TMEFF1: variants seen among roughly 807,000 people sequenced by gnomAD.
TMEFF1 encodes tomoregulin-1.
A neutral mutation model predicts 47.5 loss-of-function variants in TMEFF1; 20 were observed. That is an observed-to-expected ratio of 0.42 (90% CI 0.30 to 0.61). TMEFF1 has a LOEUF of 0.61. Ranked by LOEUF, TMEFF1 falls within the 20% of genes least tolerant of loss-of-function variation. TMEFF1 has a pLI of 0.19. For synonymous variants in TMEFF1, 162 were observed against 166.3 expected (o/e 0.97, Z 0.20); for missense variants, 411 against 471.1 (o/e 0.87, Z 1.18).
chr9:100,544,650 C>T (rs1838698599), intron 5 of TMEFF1, among the ~76,000 whole-genome samples: 1 of 152,244 alleles, frequency 6.6e-6, no homozygotes, highest in Admixed American at 6.5e-5. Context: ...ATCATGCCTT[C>T]TCACCAGTCA....
intron 2 of TMEFF1, among the ~76,000 whole-genome samples, chr9:100,506,766 C>CAAA (rs58345253): frequency 1.2e-3 from 51 of 43,254 alleles, no homozygotes; most frequent in East Asian, 4.7e-3. Context: ...GACTCCATCT[C>CAAA]AAAAAAAAAA....
intron 1 of TMEFF1, among the ~76,000 whole-genome samples, chr9:100,492,372 AT>A (rs145611362): frequency 6.6e-6 from 1 of 152,358 alleles, no homozygotes; most frequent in African/African-American, 2.4e-5. Flanking sequence ...ATTTTCACTC[AT>A]ATGAAATGTT....
chr9:100,498,841 T>C lies in TMEFF1; in HGVS notation c.273T>C (p.Asp91=), dbSNP rs947325258. 1 of 1,613,922 alleles carries C rather than the reference T, an allele frequency of 6.2e-7. No homozygotes were observed. The highest frequency in any genetic ancestry group is 8.5e-7 in the Non-Finnish European group (1 of 1,179,882). Residue 91 remains aspartate, a synonymous_variant, in exon 2 of 10, where the codon GAT becomes GAC. Transcript: ENST00000374879. The part of the protein sequence containing the change: ...SCKYGGVCKE[D]GDGLKCACQF... ...AATATGGAGGAGTCTGTAAAGAAGA[T>C]GGAGATGGTTTGAAATGTGCATGCC... is the stretch of plus-strand genomic sequence containing the variant.
intron 1 of TMEFF1, among the ~76,000 whole-genome samples, chr9:100,496,447 C>A (rs1837650865): frequency 6.6e-6 from 1 of 152,194 alleles, no homozygotes; most frequent in Non-Finnish European, 1.5e-5. Flanking sequence ...ATTATGTTGG[C>A]CAAGCTGGTC....
intron 3 of TMEFF1, among the ~76,000 whole-genome samples, chr9:100,509,360 A>G (rs1837919190): frequency 6.6e-6 from 1 of 152,140 alleles, no homozygotes; most frequent in Admixed American, 6.6e-5. Flanking sequence ...TTAAGGCTTA[A>G]CACTCTTTTT....
At chr9:100,560,445 C>T (rs1055576083) in intron 7 of TMEFF1, among the ~76,000 whole-genome samples, 24 of 152,080 alleles carry the variant, frequency 1.6e-4, no homozygotes, top group African/African-American at 4.1e-4. Context: ...GTAAATATTG[C>T]GGAATTCTGG....
chr9:100,549,258 G>C (rs924877698), intron 6 of TMEFF1, among the ~76,000 whole-genome samples: 6 of 152,162 alleles, frequency 3.9e-5, no homozygotes, highest in African/African-American at 1.4e-4. Flanking sequence ...AAAGGAGGAA[G>C]AGAGAACAAA....
At chr9:100,550,729 T>G (rs1047662120) in intron 7 of TMEFF1, among the ~76,000 whole-genome samples, 3 of 152,208 alleles carry the variant, frequency 2.0e-5, no homozygotes, top group African/African-American at 4.8e-5. Flanking sequence ...GGCTATGAGT[T>G]CTGTGAGGAG....
chr9:100,509,601 G>A (rs999197073), intron 3 of TMEFF1, among the ~76,000 whole-genome samples: 5 of 151,908 alleles, frequency 3.3e-5, no homozygotes, highest in Non-Finnish European at 7.4e-5. Context: ...GTGAAACCCC[G>A]TCTCTACTAA....
intron 2 of TMEFF1, among the ~76,000 whole-genome samples, chr9:100,506,742 A>C (rs925695884): frequency 4.3e-5 from 6 of 139,606 alleles, no homozygotes; most frequent in Non-Finnish European, 7.7e-5. Context: ...TCTCCAGCCT[A>C]GGCGACAGAG....
At chr9:100,481,396 C>T (rs1837335956) in intron 1 of TMEFF1, among the ~76,000 whole-genome samples, 1 of 152,160 alleles carries the variant, frequency 6.6e-6, no homozygotes, top group African/African-American at 2.4e-5. Context: ...AGAAGCTGAA[C>T]ATAGATGAAT....
intron 8 of TMEFF1, among the ~76,000 whole-genome samples, chr9:100,564,611 T>TG (rs548269672): frequency 6.6e-6 from 1 of 151,998 alleles, no homozygotes; most frequent in African/African-American, 2.4e-5. Context: ...TGAAGATGGG[T>TG]GGGGGACATT....
intron 5 of TMEFF1, chr9:100,518,540 T>A: frequency 1.0e-6 from 1 of 980,556 alleles, no homozygotes; most frequent in Non-Finnish European, 1.2e-6. Context: ...GCAGCCAACG[T>A]CAGGCAAGGA....
intron 5 of TMEFF1, among the ~76,000 whole-genome samples, chr9:100,538,497 G>A (rs1359524957): frequency 1.3e-5 from 2 of 152,064 alleles, no homozygotes; most frequent in Admixed American, 6.6e-5. Flanking sequence ...TGTACTTCAG[G>A]GCCTCCCATG....
At position 100,473,234 on chromosome 9, in the gene TMEFF1, A is replaced by AC. The variant is rs1306927896; in HGVS notation, c.-306dup. The AC allele has an allele frequency of 7.4e-5, 11 of 148,090 alleles. No individual in the cohort carries two copies. The highest frequency in any genetic ancestry group is 2.7e-4 in the African/African-American group (11 of 40,494). 9.2% of individuals were successfully genotyped at this position (148,090 alleles called of 1,614,324 possible). On this transcript the variant is annotated 5_prime_UTR_variant, in exon 1 of 10. Transcript: ENST00000374879. This position sits in a 1 kb window ranked among gnomAD's most constrained non-coding sequence, Gnocchi z 5.4. ...AGGCTGGGCCTGCCTCCGGCCCGCG[A>AC]CCCCCGCCCGCCGCGCGCGCGCCCG...
intron 3 of TMEFF1, among the ~76,000 whole-genome samples, chr9:100,510,048 G>C (rs10989123): frequency 0.18 from 27,899 of 152,064 alleles, 2,770 homozygotes; most frequent in South Asian, 0.32. Flanking sequence ...GCCATTCTTA[G>C]GGGATTTCCA....
chr9:100,495,993 C>T (rs575100473), intron 1 of TMEFF1, among the ~76,000 whole-genome samples: 3 of 152,346 alleles, frequency 2.0e-5, no homozygotes, highest in East Asian at 1.9e-4. Flanking sequence ...TTATGCTATC[C>T]TGCTAGATAC....
At chr9:100,503,434 A>C (rs1425651806) in intron 2 of TMEFF1, among the ~76,000 whole-genome samples, 2 of 151,762 alleles carry the variant, frequency 1.3e-5, no homozygotes, top group Non-Finnish European at 2.9e-5. Flanking sequence ...CATTCTCTGA[A>C]CTATGTGTCT....
At chr9:100,543,738 CACACACACAA>C (rs1352139831) in intron 5 of TMEFF1, among the ~76,000 whole-genome samples, 1 of 151,726 alleles carries the variant, frequency 6.6e-6, no homozygotes, top group Admixed American at 6.6e-5. Flanking sequence ...CACACACACA[CACACACACAA>C]ATCTCATAAT....
Sources: gnomAD v4.1 joint callset for allele counts (sites outside exome capture counted in the v4.1 genomes callset) on GRCh38, gnomAD v4.1.1 for gene constraint, Gnocchi (gnomAD v3.1) non-coding constraint, MANE v1.5 for transcripts, NCBI Gene and HGNC (gene_info 2026-07-23, HGNC 2026-07-21) for gene names.